The following SLAMF1 variants were observed in gnomAD, a reference collection of about 807,000 sequenced individuals.
The protein encoded by SLAMF1 is signaling lymphocytic activation molecule family member 1.
Under a neutral mutation model 35.1 loss-of-function variants are expected in SLAMF1, and 18 were observed. That is an observed-to-expected ratio of 0.51 (90% CI 0.35 to 0.76). The LOEUF is 0.76. Ranked by LOEUF, SLAMF1 falls within the 30% of genes least tolerant of loss-of-function variation. SLAMF1 has a pLI of 0.01. For missense variants in SLAMF1, 392 were observed against 413.0 expected, an observed-to-expected ratio of 0.95 and a Z score of 0.44; for synonymous variants, 168 against 157.2, an observed-to-expected ratio of 1.07 and a Z score of -0.51.
At chr1:160,621,406 A>G (rs145014504) in intron 4 of SLAMF1, among the ~76,000 whole-genome samples, 1 of 152,034 alleles carries the variant, frequency 6.6e-6, no homozygotes, top group Non-Finnish European at 1.5e-5. Context: ...TAAAAATACA[A>G]AAATTAGCCA....
At chr1:160,619,384 T>C (rs1044252328) in intron 5 of SLAMF1, among the ~76,000 whole-genome samples, 2 of 152,324 alleles carry the variant, frequency 1.3e-5, no homozygotes, top group East Asian at 3.9e-4. Context: ...TAGTAAATCC[T>C]AAACTTGGAT....
intron 5 of SLAMF1, among the ~76,000 whole-genome samples, chr1:160,618,327 T>C (rs539392360): frequency 6.6e-6 from 1 of 152,218 alleles, no homozygotes; most frequent in East Asian, 1.9e-4. Context: ...CTGACATTAA[T>C]GTGTTGTGTA....
intron 3 of SLAMF1, 27 bp from the exon 4 acceptor site, chr1:160,624,212 A>C (rs1165285414): frequency 6.7e-7 from 1 of 1,503,746 alleles, no homozygotes; most frequent in Non-Finnish European, 9.2e-7. Flanking sequence ...GTCAAAGAGC[A>C]ATCTCAAAAG....
At chr1:160,635,105 A>G (rs1163943559) in intron 2 of SLAMF1, among the ~76,000 whole-genome samples, 1 of 152,204 alleles carries the variant, frequency 6.6e-6, no homozygotes, top group Non-Finnish European at 1.5e-5. Context: ...AATAGAAAAT[A>G]AGAATTTGCT....
chr1:160,639,070 A>G lies in SLAMF1; in HGVS notation c.77-1541T>C, dbSNP rs546752877. Among the ~76,000 whole-genome samples the G allele has an allele frequency of 2.6e-5, 4 of 152,316 alleles. No homozygotes were observed. The South Asian group carries it at 8.3e-4, about 32-fold the overall frequency. The stretch of plus-strand genomic sequence containing the variant: ...CTTCACTGCACTCCCAACTGCCTAC[A>G]CAAGACAGGACTTGGAGGTCTAAAG... On this transcript the variant is annotated intron_variant, in intron 1 of 6. Transcript: ENST00000302035.
chr1:160,640,053 A>T (rs1422844860), intron 1 of SLAMF1, among the ~76,000 whole-genome samples: 2 of 152,046 alleles, frequency 1.3e-5, no homozygotes, highest in African/African-American at 2.4e-5. Flanking sequence ...TCCTCTGACC[A>T]TCTATCTAAA....
intron 1 of SLAMF1, among the ~76,000 whole-genome samples, chr1:160,641,669 T>A (rs1257186565): frequency 2.0e-5 from 3 of 151,872 alleles, no homozygotes; most frequent in Non-Finnish European, 4.4e-5. Context: ...TGTGTGAGTG[T>A]TGGGGTCTGG....
chr1:160,610,518 C>G lies in SLAMF1; in HGVS notation c.*230G>C. ...GATGGAACGCTGTTATCAAGTAACG[C>G]TCTGTTCTGCGCCTGCAGCCACTGC... is the stretch of plus-strand genomic sequence containing the variant. On this transcript the variant is annotated 3_prime_UTR_variant, in exon 7 of 7. Transcript: ENST00000302035. 1.7e-6 allele frequency: 1 copy of G among 571,652 alleles called. No individual in the cohort carries two copies. Among genetic ancestry groups the G allele is most frequent in the South Asian group, 1.9e-5 (1 of 52,624 alleles). The allele number at this position is 571,652 out of a possible 1,614,324, so 35.4% of individuals were successfully genotyped here. A position where few individuals can be genotyped will look rare whatever the true frequency, so the allele number is the denominator to read the frequency against.
Position 160,612,787 on chromosome 1 carries a change from G to A in SLAMF1, c.865-207C>T, listed in dbSNP as rs747911977. ...GCTTTGCTTGGACTCCCCAAGTGGCGTCTTGGGGTGCACAACCTCCCAAGG... is the reference window on the plus strand; with the variant it reads ...GCTTTGCTTGGACTCCCCAAGTGGCATCTTGGGGTGCACAACCTCCCAAGG... On this transcript the variant is annotated intron_variant, in intron 5 of 6. Transcript: ENST00000302035. Among the ~76,000 whole-genome samples, 12 of 152,224 alleles carry A rather than the reference G, an allele frequency of 7.9e-5. No homozygotes were observed. The East Asian group carries it at 1.2e-3, about 15-fold the overall frequency.
At chr1:160,617,663 G>A (rs1212871183) in intron 5 of SLAMF1, among the ~76,000 whole-genome samples, 1 of 152,190 alleles carries the variant, frequency 6.6e-6, no homozygotes, top group African/African-American at 2.4e-5. Flanking sequence ...CAGGATAGTG[G>A]TTATCTTTGG....
At chr1:160,632,923 A>G (rs1323992718) in intron 3 of SLAMF1, among the ~76,000 whole-genome samples, 5 of 152,280 alleles carry the variant, frequency 3.3e-5, no homozygotes, top group Non-Finnish European at 7.4e-5. Context: ...ACCATGTTAT[A>G]GCTTTGTTTC....
intron 5 of SLAMF1, among the ~76,000 whole-genome samples, chr1:160,618,428 T>C (rs1659428983): frequency 6.6e-6 from 1 of 150,782 alleles, no homozygotes; most frequent in Non-Finnish European, 1.5e-5. Flanking sequence ...GTGTGTAAAA[T>C]GGAGGAGAGG....
At chr1:160,626,428 T>C (rs1048084215) in intron 3 of SLAMF1, among the ~76,000 whole-genome samples, 1 of 152,216 alleles carries the variant, frequency 6.6e-6, no homozygotes, top group African/African-American at 2.4e-5. Flanking sequence ...TATGACAAGC[T>C]TCTGCCAGTC....
chr1:160,634,924 A>G, intron 2 of SLAMF1, 27 bp from the exon 3 acceptor site: 13 of 1,582,296 alleles, frequency 8.2e-6, no homozygotes, highest in Non-Finnish European at 1.0e-5. Context: ...GAAGGGAGCC[A>G]TCACTGAAGT....
chr1:160,617,341 G>A (rs1334078763), intron 5 of SLAMF1, among the ~76,000 whole-genome samples: 1 of 152,052 alleles, frequency 6.6e-6, no homozygotes, highest in African/African-American at 2.4e-5. Flanking sequence ...AAAAAAATAT[G>A]TGCACATGTC....
Position 160,637,642 on chromosome 1 carries a change from C to G in SLAMF1, c.77-113G>C, listed in dbSNP as rs1660527211. 6 of 741,788 alleles carry G rather than the reference C, an allele frequency of 8.1e-6. No individual in the cohort carries two copies. The Admixed American group carries it at 1.7e-4, about 21-fold the overall frequency. The allele number at this position is 741,788 out of a possible 1,614,324, so 46.0% of individuals were successfully genotyped here. On this transcript the variant is annotated intron_variant, in intron 1 of 6. Coordinates refer to ENST00000302035, the MANE Select transcript of SLAMF1 (RefSeq NM_003037.5). ...TCTCCCTCTTCCTCTTTGGCTATCC[C>G]TGGGGTTGCCAAGTCCTTCGTGGTC...
chr1:160,610,600 T>C lies in SLAMF1; in HGVS notation c.*148A>G. On this transcript the variant is annotated 3_prime_UTR_variant, in exon 7 of 7. Coordinates refer to ENST00000302035, the MANE Select transcript of SLAMF1 (RefSeq NM_003037.5). ...TCCTTGTTCATTTCACAGATGTATG[T>C]GGAAGAAACATCACCAGGGAGTTGA... 1.5e-6 allele frequency: 1 copy of C among 658,400 alleles called. No homozygotes were observed. 40.8% of individuals were successfully genotyped at this position (658,400 alleles called of 1,614,324 possible). A position where few individuals can be genotyped will look rare whatever the true frequency, so the allele number is the denominator to read the frequency against.
intron 3 of SLAMF1, among the ~76,000 whole-genome samples, chr1:160,626,582 A>G (rs1659892518): frequency 6.6e-6 from 1 of 152,104 alleles, no homozygotes; most frequent in Non-Finnish European, 1.5e-5. Flanking sequence ...ATTTCACCCA[A>G]CCCACTAATT....
chr1:160,645,367 AAAG>A (rs1337904608), intron 1 of SLAMF1, among the ~76,000 whole-genome samples: 1 of 152,376 alleles, frequency 6.6e-6, no homozygotes, highest in East Asian at 1.9e-4. Context: ...GTGAAGATTC[AAAG>A]AAGAAAACAT....
Sources: gnomAD v4.1 joint callset for allele counts (sites outside exome capture counted in the v4.1 genomes callset) on GRCh38, gnomAD v4.1.1 for gene constraint, MANE v1.5 for transcripts, NCBI Gene and HGNC (gene_info 2026-07-23, HGNC 2026-07-21) for gene names.